ATP8B3: variants seen among roughly 807,000 people sequenced by gnomAD.
ATP8B3 encodes ATPase phospholipid transporting 8B3, also known as phospholipid-transporting ATPase IK.
A neutral mutation model predicts 140.9 loss-of-function variants in ATP8B3; 141 were observed. The observed-to-expected ratio is 1.00, with a 90% confidence interval of 0.87 to 1.15. The LOEUF (loss-of-function observed/expected upper bound fraction) is 1.15. ATP8B3 is among the 50% of genes most tolerant of loss of function. The probability of loss-of-function intolerance (pLI) is 0.00; values close to 1 mark genes in which losing one functional copy is unlikely to be tolerated. For missense variants in ATP8B3, 1,874 were observed against 1,740.6 expected, an observed-to-expected ratio of 1.08 and a Z score of -1.36; for synonymous variants, 765 against 714.6, an observed-to-expected ratio of 1.07 and a Z score of -1.13.
chr19:1,809,536 C>T (rs536933141), intron 4 of ATP8B3, 107 bp downstream of exon 4: 5 of 909,128 alleles, frequency 5.5e-6, no homozygotes, highest in East Asian at 5.3e-5. Flanking sequence ...AGAAAACTAT[C>T]GAGCAAATAC....
chr19:1,788,336 G>A lies in ATP8B3; in HGVS notation c.3069+561C>T, dbSNP rs1406902450. Among the ~76,000 whole-genome samples, 3 of 152,296 alleles carry A rather than the reference G, an allele frequency of 2.0e-5. No individual in the cohort carries two copies. The East Asian group carries it at 5.8e-4, about 29-fold the overall frequency. On this transcript the variant is annotated intron_variant, in intron 24 of 28. Transcript: ENST00000310127. ...TCTCCCCAGAAGAGGAGGTCCATGT[G>A]CAGTGCCTGCCCTTGCTTGAAAGCT...
chr19:1,791,097 G>A (rs1302188005), intron 20 of ATP8B3, among the ~76,000 whole-genome samples: 1 of 152,236 alleles, frequency 6.6e-6, no homozygotes, highest in African/African-American at 2.4e-5. Flanking sequence ...ATGTGCCTAG[G>A]ATCCACAGTG....
rs369358662 is a variant in ATP8B3, at chr19:1,805,898, C to T, written c.811G>A (p.Asp271Asn). 1.9e-4 allele frequency: 310 copies of T among 1,612,938 alleles called. 5 individuals carry two copies. In the South Asian group the frequency reaches 2.8e-3, roughly 14 times the overall value. Residue 271 changes from aspartate (D) to asparagine (N), a missense_variant, in exon 9 of 29, where the codon GAC becomes AAC. Transcript: ENST00000310127. This position sits in a 1 kb window ranked among gnomAD's most constrained non-coding sequence, Gnocchi z 5.2. ...PSSLCYVETV[D>N]IDGETNLKFR... is the part of the protein sequence containing the mutation. Reference sequence around the variant, plus strand: ...GCCACAGCTCCTCACCCGTCAATGTCCACCGTCTCCACATAGCACAGGCTG... The same window carrying T: ...GCCACAGCTCCTCACCCGTCAATGTTCACCGTCTCCACATAGCACAGGCTG...
At chr19:1,809,833 G>A in intron 3 of ATP8B3, 99 bp from the exon 4 acceptor site, 9 of 1,123,958 alleles carry the variant, frequency 8.0e-6, no homozygotes, top group Non-Finnish European at 1.0e-5. Context: ...TGGGACCCAG[G>A]CACTGGGGAG....
rs570997191 is a variant in ATP8B3, at chr19:1,808,771, G to A, written c.403-436C>T. On this transcript the variant is annotated intron_variant, in intron 4 of 28. Transcript: ENST00000310127. The stretch of plus-strand genomic sequence containing the variant: ...TGGACACATTGTACTTTCAGGTTGG[G>A]TATTAACTGACCCTCACGTGCACTG... Among the ~76,000 whole-genome samples the A allele has an allele frequency of 2.0e-5, 3 of 152,326 alleles. No homozygotes were observed. In the South Asian group the frequency reaches 6.2e-4, roughly 32 times the overall value.
intron 25 of ATP8B3, among the ~76,000 whole-genome samples, chr19:1,786,492 G>A (rs1313470195): frequency 6.6e-6 from 1 of 151,726 alleles, no homozygotes; most frequent in African/African-American, 2.4e-5. Context: ...CTTGAACCCG[G>A]GAGGCAGAGG....
At chr19:1,790,631 C>A in intron 21 of ATP8B3, 126 bp downstream of exon 21, 1 of 669,596 alleles carries the variant, frequency 1.5e-6, no homozygotes, top group Non-Finnish European at 2.3e-6. Flanking sequence ...CTACCCTTCC[C>A]TCCCCTCTCA....
rs2068672032 is a variant in ATP8B3 at position 1,796,277 on chromosome 19, G to C, written c.1754-12C>G. 2 of 1,598,848 alleles carry C rather than the reference G, an allele frequency of 1.3e-6. No individual in the cohort carries two copies. Among genetic ancestry groups the C allele is most frequent in the Non-Finnish European group, 1.7e-6 (2 of 1,174,508 alleles). ...GTACAACAGCTGGTCTGGTAGGGAG[G>C]GGGGCCATTTTGGGGTCACGTGGTG... On this transcript the variant is annotated splice_polypyrimidine_tract_variant and intron_variant, in intron 16 of 28. Transcript: ENST00000310127.
intron 18 of ATP8B3, among the ~76,000 whole-genome samples, chr19:1,793,322 C>T (rs549353211): frequency 6.6e-6 from 1 of 152,144 alleles, no homozygotes; most frequent in Non-Finnish European, 1.5e-5. Flanking sequence ...GGGCTGGTCT[C>T]GAACTCCAGA....
At chr19:1,787,770 G>A (rs1385527318) in intron 24 of ATP8B3, among the ~76,000 whole-genome samples, 1 of 136,178 alleles carries the variant, frequency 7.3e-6, no homozygotes, top group East Asian at 2.3e-4. Flanking sequence ...AACGCTGGGT[G>A]CGATTGCTCA....
intron 26 of ATP8B3, 54 bp downstream of exon 26, chr19:1,785,415 G>A (rs113063865): frequency 2.5e-6 from 4 of 1,587,644 alleles, no homozygotes; most frequent in Non-Finnish European, 2.6e-6. Context: ...CCCCAGGGGA[G>A]GAGGCCTCCA....
chr19:1,798,795 A>C (rs2068757931), intron 14 of ATP8B3: 1 of 151,954 alleles, frequency 6.6e-6, no homozygotes, highest in South Asian at 2.1e-4. Context: ...TGATCTGAGA[A>C]ATACTCAGCA....
rs568603290 is a variant in ATP8B3 at position 1,805,101 on chromosome 19, A to G, written c.904+273T>C. ...AGCGAGCCTCCCACCTCAGCCTCCC[A>G]AGTAGCTGGGACCACCGGCATGTGC... is the stretch of plus-strand genomic sequence containing the variant. On this transcript the variant is annotated intron_variant, in intron 10 of 28. Coordinates refer to ENST00000310127, the MANE Select transcript of ATP8B3 (RefSeq NM_138813.4). The surrounding 1 kb of genome is among the most constrained non-coding windows in gnomAD (Gnocchi z 5.2). 6.9e-6 allele frequency: 3 copies of G among 437,482 alleles called. No homozygotes were observed. Among genetic ancestry groups the G allele is most frequent in the Non-Finnish European group, 1.3e-5 (3 of 233,608 alleles). The allele number at this position is 437,482 out of a possible 1,614,324, so 27.1% of individuals were successfully genotyped here. A position where few individuals can be genotyped will look rare whatever the true frequency, so the allele number is the denominator to read the frequency against.
At chr19:1,809,389 G>A (rs2069121064) in intron 4 of ATP8B3, among the ~76,000 whole-genome samples, 3 of 150,962 alleles carry the variant, frequency 2.0e-5, no homozygotes, top group Non-Finnish European at 2.9e-5. Flanking sequence ...GCTGAGGCAG[G>A]AGAATTGCTT....
rs757518255 is a variant in ATP8B3, at chr19:1,807,275, AG to A, written c.517-10del. The A allele has an allele frequency of 1.9e-6, 3 of 1,606,606 alleles. No homozygotes were observed. Among genetic ancestry groups the A allele is most frequent in the Admixed American group, 1.7e-5 (1 of 59,808 alleles). ...GAGATGTCGGGAATGCTCTGACGTG[AG>A]GGGGCCACAGGAAGGGTCACACCAG... On this transcript the variant is annotated splice_polypyrimidine_tract_variant and intron_variant, in intron 5 of 28. Transcript: ENST00000310127. This position sits in a 1 kb window ranked among gnomAD's most constrained non-coding sequence, Gnocchi z 5.9.
In ATP8B3 at chr19:1,807,231, C is replaced by G. The variant is rs758675783; in HGVS notation, c.552G>C (p.Ser184=). 2 of 1,612,882 alleles carry G rather than the reference C, an allele frequency of 1.2e-6. No homozygotes were observed. The highest frequency in any genetic ancestry group is 4.5e-5 in the East Asian group (2 of 44,864). The change falls in exon 6 of 29, where the codon TCG becomes TCC. Residue 184 remains serine, a synonymous_variant. Transcript: ENST00000310127. The surrounding 1 kb of genome is among the most constrained non-coding windows in gnomAD (Gnocchi z 5.9). ...IPDISTLPWF[S]LSTPMVCLLF... is the part of the protein sequence containing the mutation. ...GGAGGCAGACCATAGGGGTACTGAG[C>G]GAGAACCAGGGCAGCGTGGAGATGT... is the stretch of plus-strand genomic sequence containing the variant.
intron 26 of ATP8B3, 64 bp from the exon 27 acceptor site, chr19:1,785,361 T>G (rs1033470694): frequency 6.4e-7 from 1 of 1,551,606 alleles, no homozygotes; most frequent in African/African-American, 1.4e-5. Flanking sequence ...CACCAGCCCC[T>G]GGGGTCCAGG....
At chr19:1,795,729 C>T (rs982598257) in intron 18 of ATP8B3, 146 bp downstream of exon 18, 3 of 796,650 alleles carry the variant, frequency 3.8e-6, no homozygotes, top group Non-Finnish European at 6.0e-6. Flanking sequence ...CAGGTACCTG[C>T]AGCCTTCCAT....
intron 24 of ATP8B3, 62 bp from the exon 25 acceptor site, chr19:1,787,248 A>G: frequency 7.1e-7 from 1 of 1,407,754 alleles, no homozygotes; most frequent in Non-Finnish European, 9.9e-7. Flanking sequence ...GGAGCCTGCC[A>G]AGCAGGCACC....
Sources: gnomAD v4.1 joint callset for allele counts (sites outside exome capture counted in the v4.1 genomes callset) on GRCh38, gnomAD v4.1.1 for gene constraint, Gnocchi (gnomAD v3.1) non-coding constraint, MANE v1.5 for transcripts, NCBI Gene and HGNC (gene_info 2026-07-23, HGNC 2026-07-21) for gene names.